Variants in MAGI2 observed in about 807,000 individuals in gnomAD.
MAGI2 encodes membrane-associated guanylate kinase, WW and PDZ domain-containing protein 2.
MAGI2 carries 35 observed loss-of-function variants against 133.3 expected under a neutral mutation model. The observed-to-expected ratio is 0.26, with a 90% CI of 0.20 to 0.35. The LOEUF (loss-of-function observed/expected upper bound fraction) is 0.35. Among genes scored for constraint, MAGI2 ranks in the 10% least tolerant of loss-of-function variants. The probability of loss-of-function intolerance (pLI) is 1.00; values close to 1 mark genes in which losing one functional copy is unlikely to be tolerated. For synonymous variants in MAGI2, 729 were observed against 710.6 expected (o/e 1.03, Z -0.41); for missense variants, 1,636 against 1,863.4 (o/e 0.88, Z 2.25).
intron 3 of MAGI2, 134 bp downstream of exon 3, chr7:78,626,986 C>G (rs1245492576): frequency 1.1e-5 from 8 of 713,038 alleles, no homozygotes; most frequent in African/African-American, 1.8e-5. Context: ...TTTTAGGATA[C>G]ATTTCTAAAC....
At chr7:79,326,850 T>C (rs931328303) in intron 1 of MAGI2, among the ~76,000 whole-genome samples, 2 of 152,112 alleles carry the variant, frequency 1.3e-5, no homozygotes, top group African/African-American at 4.8e-5. Context: ...CCAAGTCCTC[T>C]TTTCGGCATG....
chr7:79,351,257 T>G lies in MAGI2; in HGVS notation c.301+101763A>C, dbSNP rs973570187. Among the ~76,000 whole-genome samples the G allele has an allele frequency of 2.4e-4, 37 of 152,282 alleles. 1 individual carries two copies. The highest frequency in any genetic ancestry group is 2.2e-3 in the Admixed American group (34 of 15,282). On this transcript the variant is annotated intron_variant, in intron 1 of 21. Coordinates refer to ENST00000354212, the MANE Select transcript of MAGI2 (RefSeq NM_012301.4). ...TTTACACTAAATTAAGTAGGATTTA[T>G]AGTGAATCAAAATATCATAGGACAT...
At chr7:78,029,634 A>G (rs1584882174) in intron 21 of MAGI2, among the ~76,000 whole-genome samples, 1 of 152,242 alleles carries the variant, frequency 6.6e-6, no homozygotes, top group African/African-American at 2.4e-5. Context: ...TCCAGGCTCT[A>G]ACAGAACAGT....
At chr7:79,406,398 G>T (rs1845810955) in intron 1 of MAGI2, among the ~76,000 whole-genome samples, 1 of 152,124 alleles carries the variant, frequency 6.6e-6, no homozygotes, top group Admixed American at 6.6e-5. Context: ...CAAGAATGTA[G>T]TTCTTTCTTA....
intron 6 of MAGI2, among the ~76,000 whole-genome samples, chr7:78,402,820 A>G (rs912395285): frequency 4.6e-5 from 7 of 152,204 alleles, no homozygotes; most frequent in African/African-American, 1.4e-4. Flanking sequence ...ATATACTTGG[A>G]TAAGTATATT....
intron 9 of MAGI2, among the ~76,000 whole-genome samples, chr7:78,281,073 T>G (rs1795523520): frequency 6.6e-6 from 1 of 152,090 alleles, no homozygotes; most frequent in African/African-American, 2.4e-5. Flanking sequence ...TTCATTTTTC[T>G]AATCTAAGCT....
intron 2 of MAGI2, among the ~76,000 whole-genome samples, chr7:78,640,953 G>A (rs1428079088): frequency 6.6e-6 from 1 of 152,152 alleles, no homozygotes; most frequent in African/African-American, 2.4e-5. Context: ...GGGAACAGGT[G>A]GAGATAATTC....
chr7:79,452,867 C>T (rs1051948162), intron 1 of MAGI2, 153 bp downstream of exon 1: 2 of 787,942 alleles, frequency 2.5e-6, no homozygotes, highest in East Asian at 2.8e-5. Context: ...GTCGAATCCC[C>T]GGCGAAACTC....
At chr7:79,296,115 C>A (rs1339001075) in intron 1 of MAGI2, among the ~76,000 whole-genome samples, 1 of 152,096 alleles carries the variant, frequency 6.6e-6, no homozygotes, top group African/African-American at 2.4e-5. Flanking sequence ...GCCACAAGAG[C>A]ATTGATATTG....
intron 1 of MAGI2, among the ~76,000 whole-genome samples, chr7:79,098,675 G>A (rs1817718554): frequency 6.6e-6 from 1 of 152,220 alleles, no homozygotes; most frequent in South Asian, 2.1e-4. Context: ...TGTTCCAAAT[G>A]CTGTCAAGAA....
intron 6 of MAGI2, among the ~76,000 whole-genome samples, chr7:78,407,514 G>A (rs1044650143): frequency 6.6e-6 from 1 of 151,864 alleles, no homozygotes; most frequent in African/African-American, 2.4e-5. Context: ...CATGTCATGA[G>A]GCTAATGGAC....
chr7:78,627,278 G>C (rs544091149), intron 2 of MAGI2, 39 bp from the exon 3 acceptor site: 1 of 1,459,038 alleles, frequency 6.9e-7, no homozygotes, highest in Admixed American at 2.5e-5. Flanking sequence ...AAGACGCTAA[G>C]TGATTTGTTG....
chr7:79,422,585 T>C (rs1033024283), intron 1 of MAGI2, among the ~76,000 whole-genome samples: 2 of 151,980 alleles, frequency 1.3e-5, no homozygotes, highest in Non-Finnish European at 2.9e-5. Flanking sequence ...TAAAATTCAG[T>C]CAGATTTATG....
chr7:79,420,244 A>T (rs553716064), intron 1 of MAGI2, among the ~76,000 whole-genome samples: 1 of 152,050 alleles, frequency 6.6e-6, no homozygotes, highest in Non-Finnish European at 1.5e-5. Flanking sequence ...ACACACAAAC[A>T]TGCAACTGTC....
chr7:79,113,509 G>A (rs1168253943), intron 1 of MAGI2, among the ~76,000 whole-genome samples: 2 of 152,202 alleles, frequency 1.3e-5, no homozygotes, highest in Non-Finnish European at 2.9e-5. Context: ...CTGAATAACA[G>A]ATGCAAAGTG....
At chr7:78,573,273 A>AATATATATATATTTATATAAATATATAT (rs369851566) in intron 3 of MAGI2, among the ~76,000 whole-genome samples, 1 of 51,678 alleles carries the variant, frequency 1.9e-5, no homozygotes, top group East Asian at 8.3e-4. Flanking sequence ...AATATATATA[A>AATATATATATATTTATATAAATATATAT]ATATATATAT....
At chr7:78,596,180 A>ACGGG in intron 3 of MAGI2, among the ~76,000 whole-genome samples, 1 of 31,686 alleles carries the variant, frequency 3.2e-5, no homozygotes, top group Admixed American at 4.8e-4. Flanking sequence ...GAAATGAAGG[A>ACGGG]AGGGAGGGAG....
chr7:78,871,953 C>T (rs753261705), intron 2 of MAGI2, among the ~76,000 whole-genome samples: 2 of 151,852 alleles, frequency 1.3e-5, no homozygotes, highest in Middle Eastern at 3.4e-3. Flanking sequence ...TATTAAAATT[C>T]ATTTTTGACC....
At chr7:79,318,722 A>G (rs139863348) in intron 1 of MAGI2, among the ~76,000 whole-genome samples, 1 of 152,330 alleles carries the variant, frequency 6.6e-6, no homozygotes, top group Non-Finnish European at 1.5e-5. Flanking sequence ...TTGCTTTTGC[A>G]CAGGAAACAA....
Sources: gnomAD v4.1 joint callset for allele counts (sites outside exome capture counted in the v4.1 genomes callset) on GRCh38, gnomAD v4.1.1 for gene constraint, MANE v1.5 for transcripts, NCBI Gene and HGNC (gene_info 2026-07-23, HGNC 2026-07-21) for gene names.